OTOG: variants seen among roughly 807,000 people sequenced by gnomAD.
OTOG encodes otogelin.
In OTOG, 296 loss-of-function variants were observed where a neutral mutation model predicts 313.8. The ratio of observed to expected loss-of-function variants is 0.94; its 90% CI spans 0.86 to 1.04. The LOEUF (loss-of-function observed/expected upper bound fraction) is 1.04. Ranked by LOEUF, OTOG falls within the 50% of genes least tolerant of loss-of-function variation. The probability of loss-of-function intolerance (pLI) is 0.00; values close to 1 mark genes in which losing one functional copy is unlikely to be tolerated. For synonymous variants in OTOG, 1,533 were observed against 1,554.9 expected, an observed-to-expected ratio of 0.99 and a Z score of 0.33; for missense variants, 3,948 against 3,840.1, an observed-to-expected ratio of 1.03 and a Z score of -0.74.
intron 53 of OTOG, among the ~76,000 whole-genome samples, chr11:17,642,945 A>G (rs1445234950): frequency 1.3e-5 from 2 of 152,094 alleles, no homozygotes; most frequent in African/African-American, 2.4e-5. Flanking sequence ...CCTGCCCCCC[A>G]ACACACACAC....
At chr11:17,623,601 T>G (rs1853916229) in intron 39 of OTOG, among the ~76,000 whole-genome samples, 1 of 152,220 alleles carries the variant, frequency 6.6e-6, no homozygotes, top group South Asian at 2.1e-4. Context: ...AGTGCTACCA[T>G]GAATATATGT....
chr11:17,641,090 C>T lies in OTOG; in HGVS notation c.8189C>T (p.Ala2730Val), dbSNP rs913708652. Residue 2730 changes from alanine (A) to valine (V), a missense_variant and splice_region_variant, in exon 51 of 56, where the codon GCG becomes GTG. Coordinates refer to ENST00000399397, the MANE Select transcript of OTOG (RefSeq NM_001292063.2). ...TSVLCDIHCEANQEYEHPRDL... is the reference protein window; with the variant it reads ...TSVLCDIHCEVNQEYEHPRDL... ...GTGCTCTGTGACATCCACTGTGAGG[C>T]GGTAGGGTGCAGCCCAGGGCGGGGT... is the stretch of plus-strand genomic sequence containing the variant. The T allele has an allele frequency of 3.6e-4, 125 of 343,626 alleles. 2 individuals carry two copies. In the Admixed American group the frequency reaches 4.4e-3, roughly 12 times the overall value. The allele number at this position is 343,626 out of a possible 1,614,324, so 21.3% of individuals were successfully genotyped here.
intron 16 of OTOG, 59 bp from the exon 17 acceptor site, chr11:17,570,154 G>T: frequency 6.9e-7 from 1 of 1,442,980 alleles, no homozygotes; most frequent in South Asian, 1.3e-5. Context: ...AGGTGGTGGT[G>T]GTGGGCGGGG....
In OTOG at chr11:17,641,829, C is replaced by T. The variant is rs1390346962; in HGVS notation, c.8191-18C>T. The T allele has an allele frequency of 4.5e-6, 7 of 1,538,466 alleles. No homozygotes were observed. In the Admixed American group the frequency reaches 6.0e-5, roughly 13 times the overall value. On this transcript the variant is annotated intron_variant, in intron 51 of 55. Transcript: ENST00000399397. ...GAGGTGGGCATCTGGCTGAGGCCCA[C>T]CCCGCCCTGGCCTGTAGAACCAGGA...
At chr11:17,573,396 A>G in intron 19 of OTOG, 106 bp downstream of exon 19, 1 of 1,214,444 alleles carries the variant, frequency 8.2e-7, no homozygotes, top group Non-Finnish European at 1.1e-6. Context: ...AGTCTCCTCC[A>G]GCCTGACTGC....
At chr11:17,641,817 G>A in intron 51 of OTOG, 30 bp from the exon 52 acceptor site, 1 of 1,508,068 alleles carries the variant, frequency 6.6e-7, no homozygotes, top group Non-Finnish European at 9.0e-7. Context: ...GTGGGCATCT[G>A]GCTGAGGCCC....
chr11:17,633,744 A>T lies in OTOG; in HGVS notation c.7137A>T (p.Thr2379=). 6.4e-7 allele frequency: 1 copy of T among 1,550,458 alleles called. No individual in the cohort carries two copies. Among genetic ancestry groups the T allele is most frequent in the Middle Eastern group, 1.7e-4 (1 of 5,988 alleles). The part of the protein sequence containing the change: ...ACVTACEPPK[T]CQDGILGPLD... ...TGACAGCCTGTGAGCCACCCAAGACATGCCAGGATGGGATACTAGGGCCTC... is the reference window on the plus strand; with the variant it reads ...TGACAGCCTGTGAGCCACCCAAGACTTGCCAGGATGGGATACTAGGGCCTC... The change falls in exon 43 of 56, where the codon ACA becomes ACT. Residue 2379 remains threonine, a synonymous_variant. Coordinates refer to ENST00000399397, the MANE Select transcript of OTOG (RefSeq NM_001292063.2).
rs1478263564 is a variant in OTOG at position 17,639,412 on chromosome 11, G to T, written c.7895-11G>T. 3 of 1,550,672 alleles carry T rather than the reference G, an allele frequency of 1.9e-6. No homozygotes were observed. Among genetic ancestry groups the T allele is most frequent in the Admixed American group, 2.0e-5 (1 of 51,008 alleles). On this transcript the variant is annotated splice_polypyrimidine_tract_variant and intron_variant, in intron 48 of 55. Transcript: ENST00000399397. ...CTGATGAAGTGGGGCCTGGCCCCTT[G>T]TGTTTTTCAGAATGTGACTGTGACA...
chr11:17,641,859 G>A lies in OTOG; in HGVS notation c.8203G>A (p.Glu2735Lys), dbSNP rs1219586395. The change falls in exon 52 of 56, where the codon GAG becomes AAG. Residue 2735 changes from glutamate to lysine, a missense_variant. By Grantham distance (56) the Glu-to-Lys change is moderately conservative. Coordinates refer to ENST00000399397, the MANE Select transcript of OTOG (RefSeq NM_001292063.2). ...CCCTGGCCTGTAGAACCAGGAGTAC[G>A]AGCACCCGCGGGACCTCGCTGCCTG... Reference protein sequence around the residue: ...DIHCEANQEYEHPRDLAACCG... With the variant: ...DIHCEANQEYKHPRDLAACCG... 5 of 1,549,906 alleles carry A rather than the reference G, an allele frequency of 3.2e-6. No homozygotes were observed. The highest frequency in any genetic ancestry group is 1.4e-5 in the African/African-American group (1 of 73,120).
intron 35 of OTOG, 124 bp from the exon 36 acceptor site, chr11:17,609,530 AG>A: frequency 1.1e-6 from 1 of 903,452 alleles, no homozygotes. Flanking sequence ...TCTGGCCGTT[AG>A]AAGCTGCCCT....
Position 17,631,787 on chromosome 11 carries a change from G to A in OTOG, c.6798G>A (p.Leu2266=). ...VGGAEDPAPF[L]DSWQVPSSLT... ...GGGCTGAGGACCCTGCTCCCTTTCT[G>A]GACAGCTGGCAGGTGCCCAGCTCCC... Residue 2266 remains leucine (L), a synonymous_variant, in exon 41 of 56, where the codon CTG becomes CTA. Coordinates refer to ENST00000399397, the MANE Select transcript of OTOG (RefSeq NM_001292063.2). 1.3e-6 allele frequency: 2 copies of A among 1,550,594 alleles called. No homozygotes were observed. The highest frequency in any genetic ancestry group is 1.7e-6 in the Non-Finnish European group (2 of 1,146,996).
rs1031635190 is a variant in OTOG at position 17,610,481 on chromosome 11, A to G, written c.5181A>G (p.Glu1727=). ...TAGTGCTATCCACAGAGAAGGGCGAAGCCGGGCACAGCCAGCCCATGGGCT... is the reference window on the plus strand; with the variant it reads ...TAGTGCTATCCACAGAGAAGGGCGAGGCCGGGCACAGCCAGCCCATGGGCT... ...LEIVLSTEKG[E]AGHSQPMGSP... The change falls in exon 36 of 56, where the codon GAA becomes GAG. Residue 1727 remains glutamate, a synonymous_variant. Transcript: ENST00000399397. 1 of 1,550,432 alleles carries G rather than the reference A, an allele frequency of 6.4e-7. No individual in the cohort carries two copies. Among genetic ancestry groups the G allele is most frequent in the Non-Finnish European group, 8.7e-7 (1 of 1,146,968 alleles).
At chr11:17,557,424 G>A (rs557455586) in intron 8 of OTOG, 101 bp downstream of exon 8, 157 of 1,185,650 alleles carry the variant, frequency 1.3e-4, no homozygotes, top group South Asian at 3.6e-4. Context: ...CCCTGGGGTC[G>A]TGGTCATGGT....
At chr11:17,591,684 C>T (rs564400653) in intron 25 of OTOG, 96 bp downstream of exon 25, 15 of 1,449,980 alleles carry the variant, frequency 1.0e-5, no homozygotes, top group East Asian at 2.5e-5. Context: ...ATTGGGTGAT[C>T]GGGGATCTAA....
intron 8 of OTOG, 43 bp downstream of exon 8, chr11:17,557,366 TG>T: frequency 6.9e-7 from 1 of 1,440,688 alleles, no homozygotes; most frequent in Non-Finnish European, 9.4e-7. Context: ...TTGGTGGGGA[TG>T]GGGGACAGGT....
At chr11:17,638,368 T>A in intron 47 of OTOG, 83 bp from the exon 48 acceptor site, 3 of 1,191,924 alleles carry the variant, frequency 2.5e-6, no homozygotes, top group Non-Finnish European at 2.3e-6. Flanking sequence ...GGGTAGCCTC[T>A]CTTTAGCCAG....
intron 44 of OTOG, 83 bp from the exon 45 acceptor site, chr11:17,634,761 G>T: frequency 8.5e-7 from 1 of 1,178,526 alleles, no homozygotes; most frequent in Non-Finnish European, 1.2e-6. Context: ...TCCAGGGGTT[G>T]GGCAGTTGTC....
chr11:17,645,646 G>C lies in OTOG; in HGVS notation c.8541+3G>C, dbSNP rs1848060170. The C allele has an allele frequency of 6.4e-7, 1 of 1,550,598 alleles. No homozygotes were observed. The highest frequency in any genetic ancestry group is 1.2e-5 in the South Asian group (1 of 84,068). On this transcript the variant is annotated splice_donor_region_variant and intron_variant, in intron 55 of 55. Transcript: ENST00000399397. The stretch of plus-strand genomic sequence containing the variant: ...ATGAATGCAGGAGCAGCACCCCTGT[G>C]CGTGGTGCCCACAAGGCAGTGGGGC...
intron 38 of OTOG, 44 bp from the exon 39 acceptor site, chr11:17,613,568 G>T (rs913073848): frequency 2.0e-6 from 3 of 1,497,762 alleles, no homozygotes; most frequent in South Asian, 2.4e-5. Flanking sequence ...GAGGGGGACA[G>T]AGGACAGGGC....
Sources: allele counts gnomAD v4.1 joint callset (sites outside exome capture counted in the v4.1 genomes callset), GRCh38; gene constraint gnomAD v4.1.1; transcripts MANE v1.5; gene names NCBI Gene and HGNC (gene_info 2026-07-23, HGNC 2026-07-21).